TMEM171: variants seen among roughly 807,000 people sequenced by gnomAD.
The protein encoded by TMEM171 is proline-rich protein PRP2.
Under a neutral mutation model 19.1 loss-of-function variants are expected in TMEM171, and 16 were observed. The ratio of observed to expected loss-of-function variants is 0.84; its 90% confidence interval spans 0.57 to 1.27. The LOEUF (loss-of-function observed/expected upper bound fraction) is 1.27, where lower values mean the gene tolerates loss of function less well. Among genes scored for constraint, TMEM171 ranks in the 50% most tolerant of loss-of-function variants. The probability of loss-of-function intolerance (pLI) is 0.00; values close to 1 mark genes in which losing one functional copy is unlikely to be tolerated. For synonymous variants in TMEM171, 153 were observed against 163.4 expected (o/e 0.94, Z 0.48); for missense variants, 429 against 412.7 (o/e 1.04, Z -0.34).
chr5:73,131,384 A>G (rs954178163), intron 3 of TMEM171, among the ~76,000 whole-genome samples, 154 bp from the exon 4 acceptor site: 3 of 152,174 alleles, frequency 2.0e-5, no homozygotes, highest in African/African-American at 7.2e-5. Context: ...AATCAAAACA[A>G]ATCTATGAAA....
At chr5:73,127,381 AAAAATAT>A (rs1455044767) in intron 2 of TMEM171, among the ~76,000 whole-genome samples, 7 of 92,304 alleles carry the variant, frequency 7.6e-5, no homozygotes, top group South Asian at 3.9e-4. Flanking sequence ...AAAAAAAAAA[AAAAATAT>A]ATATATATAT....
At chr5:73,131,511 C>T (rs1396610504) in intron 3 of TMEM171, 27 bp from the exon 4 acceptor site, 4 of 1,542,820 alleles carry the variant, frequency 2.6e-6, no homozygotes, top group Non-Finnish European at 3.5e-6. Context: ...ATCCCCTCCC[C>T]TTCATGTTCT....
chr5:73,127,641 C>T (rs185231738), intron 2 of TMEM171, among the ~76,000 whole-genome samples: 87 of 151,346 alleles, frequency 5.7e-4, no homozygotes, highest in Non-Finnish European at 8.2e-4. Flanking sequence ...GACAGGGTTT[C>T]GCCGTGTTGG....
chr5:73,127,253 A>G (rs1744183311), intron 2 of TMEM171, among the ~76,000 whole-genome samples: 1 of 151,578 alleles, frequency 6.6e-6, no homozygotes, highest in African/African-American at 2.4e-5. Context: ...TTGTTAGCAA[A>G]CAATTCACAA....
At chr5:73,121,498 A>G (rs1744007325) in intron 1 of TMEM171, among the ~76,000 whole-genome samples, 1 of 152,206 alleles carries the variant, frequency 6.6e-6, no homozygotes. Flanking sequence ...ATAAATGAGG[A>G]CTACTGTATA....
intron 2 of TMEM171, among the ~76,000 whole-genome samples, chr5:73,127,380 A>ATATATATATATATAT (rs1281485655): frequency 1.6e-5 from 1 of 61,482 alleles, no homozygotes; most frequent in African/African-American, 8.7e-5. Flanking sequence ...AAAAAAAAAA[A>ATATATATATATATAT]AAAAATATAT....
At chr5:73,120,759 C>G (rs935115009) in intron 1 of TMEM171, 63 bp downstream of exon 1, 3 of 983,672 alleles carry the variant, frequency 3.0e-6, no homozygotes, top group Non-Finnish European at 3.6e-6. Flanking sequence ...AGCTGTGCGG[C>G]CAGGCTGGGC....
Position 73,129,539 on chromosome 5 carries a change from C to T in TMEM171, c.782+1008C>T, listed in dbSNP as rs369289538. 6.8e-4 allele frequency among the ~76,000 whole-genome samples: 104 copies of T among 152,264 alleles called. 1 individual carries two copies. The highest frequency in any genetic ancestry group is 2.4e-3 in the African/African-American group (101 of 41,560). ...TTCTAGGAAGTCAGCGTGAAACGGC[C>T]GTAGATTCCCTGCCTCCACACCCTA... On this transcript the variant is annotated intron_variant, in intron 3 of 3. Transcript: ENST00000454765.
chr5:73,120,999 G>T (rs903852709), intron 1 of TMEM171, among the ~76,000 whole-genome samples: 4 of 152,204 alleles, frequency 2.6e-5, no homozygotes, highest in African/African-American at 9.6e-5. Context: ...GTGTTGGAGA[G>T]GGGAGTTTGG....
intron 3 of TMEM171, among the ~76,000 whole-genome samples, chr5:73,129,248 T>C (rs1216786335): frequency 2.6e-5 from 4 of 152,188 alleles, no homozygotes; most frequent in Admixed American, 1.3e-4. Context: ...CCTAGAGGTT[T>C]CCCATTGGCC....
At chr5:73,126,860 C>T (rs191435870) in intron 2 of TMEM171, among the ~76,000 whole-genome samples, 4 of 127,158 alleles carry the variant, frequency 3.1e-5, no homozygotes, top group African/African-American at 1.2e-4. Context: ...TTTCACCAGG[C>T]CCCCAGCAGT....
At chr5:73,124,585 C>A (rs991458752) in intron 2 of TMEM171, among the ~76,000 whole-genome samples, 11 of 152,146 alleles carry the variant, frequency 7.2e-5, no homozygotes, top group African/African-American at 2.4e-4. Flanking sequence ...CCAGCAGTCT[C>A]CAGGTGTTTT....
intron 2 of TMEM171, among the ~76,000 whole-genome samples, chr5:73,127,676 C>T (rs1230836978): frequency 6.6e-6 from 1 of 150,622 alleles, no homozygotes; most frequent in Non-Finnish European, 1.5e-5. Flanking sequence ...AACTCCTGAC[C>T]TCAAGTGATC....
chr5:73,128,635 T>G (rs1486329908), intron 3 of TMEM171, 104 bp downstream of exon 3: 1 of 1,439,896 alleles, frequency 6.9e-7, no homozygotes, highest in African/African-American at 1.4e-5. Flanking sequence ...GTATCTTTTT[T>G]GCTGATGTTA....
intron 3 of TMEM171, 40 bp from the exon 4 acceptor site, chr5:73,131,498 T>G (rs1181216535): frequency 6.6e-7 from 1 of 1,506,506 alleles, no homozygotes; most frequent in Admixed American, 2.1e-5. Context: ...TGTCACTGTT[T>G]TCATCCCCTC....
intron 2 of TMEM171, 84 bp downstream of exon 2, chr5:73,124,097 G>T (rs1744100835): frequency 8.3e-7 from 1 of 1,207,510 alleles, no homozygotes; most frequent in Non-Finnish European, 1.1e-6. Flanking sequence ...TTCTCGTCTG[G>T]ATTCTCTTTC....
intron 1 of TMEM171, among the ~76,000 whole-genome samples, chr5:73,122,909 G>T (rs1285159464): frequency 6.6e-6 from 1 of 152,204 alleles, no homozygotes; most frequent in Non-Finnish European, 1.5e-5. Flanking sequence ...GAGCAGCTAT[G>T]ATGAAAAGTG....
At chr5:73,130,092 C>T (rs953831794) in intron 3 of TMEM171, among the ~76,000 whole-genome samples, 2 of 151,676 alleles carry the variant, frequency 1.3e-5, no homozygotes, top group Middle Eastern at 3.2e-3. Context: ...AGCTTGGTTT[C>T]GGTGGGGAAA....
intron 2 of TMEM171, among the ~76,000 whole-genome samples, chr5:73,127,736 C>T (rs368842756): frequency 1.2e-3 from 169 of 141,154 alleles, no homozygotes; most frequent in Non-Finnish European, 2.1e-3. Flanking sequence ...TGAGCCACCA[C>T]GCCTGGCTTT....
Sources: gnomAD v4.1 joint callset for allele counts (sites outside exome capture counted in the v4.1 genomes callset) on GRCh38, gnomAD v4.1.1 for gene constraint, MANE v1.5 for transcripts, NCBI Gene and HGNC (gene_info 2026-07-23, HGNC 2026-07-21) for gene names.